The following EGF variants were observed in gnomAD, a reference collection of about 807,000 sequenced individuals.
EGF encodes the protein epidermal growth factor.
In EGF, 95 loss-of-function variants were observed where a neutral mutation model predicts 143.8. That is an observed-to-expected ratio of 0.66 (90% CI 0.56 to 0.78). The LOEUF (loss-of-function observed/expected upper bound fraction) is 0.78, where lower values mean the gene tolerates loss of function less well. Ranked by LOEUF, EGF falls within the 30% of genes least tolerant of loss-of-function variation. The probability of loss-of-function intolerance (pLI) is 0.00; values close to 1 mark genes in which losing one functional copy is unlikely to be tolerated. For missense variants in EGF, 1,320 were observed against 1,470.9 expected (o/e 0.90, Z 1.68); for synonymous variants, 510 against 510.5 (o/e 1.00, Z 0.01).
At chr4:109,985,705 TCA>T (rs1334729869) in intron 16 of EGF, among the ~76,000 whole-genome samples, 1 of 152,218 alleles carries the variant, frequency 6.6e-6, no homozygotes, top group East Asian at 1.9e-4. Context: ...TGCCCCTTGA[TCA>T]CATTCATCAC....
chr4:109,939,791 C>G (rs924392953), intron 1 of EGF, among the ~76,000 whole-genome samples: 3 of 152,174 alleles, frequency 2.0e-5, no homozygotes, highest in Non-Finnish European at 2.9e-5. Context: ...TTGTTCAATG[C>G]TTACAATAAA....
chr4:109,966,103 G>A (rs1746527589), intron 10 of EGF, among the ~76,000 whole-genome samples: 2 of 151,686 alleles, frequency 1.3e-5, no homozygotes, highest in African/African-American at 4.8e-5. Flanking sequence ...TGTCTTACAT[G>A]GATAGATTGT....
At chr4:109,925,027 T>C (rs1738404422) in intron 1 of EGF, among the ~76,000 whole-genome samples, 3 of 152,206 alleles carry the variant, frequency 2.0e-5, no homozygotes, top group Admixed American at 2.0e-4. Context: ...TTATAATTTT[T>C]ACAGTTGTGT....
rs374147711 is a variant in EGF at position 109,944,080 on chromosome 4, C to T, written c.737+11C>T. 2.7e-5 allele frequency: 44 copies of T among 1,611,298 alleles called. No homozygotes were observed. In the African/African-American group the frequency reaches 5.6e-4, roughly 21 times the overall value. On this transcript the variant is annotated intron_variant, in intron 4 of 23. Transcript: ENST00000265171. Reference sequence around the variant, plus strand: ...TAAACATCCAACACAGTAAGTTTTACTCTTGGTATAAAATAAAACAATTGT... The same window carrying T: ...TAAACATCCAACACAGTAAGTTTTATTCTTGGTATAAAATAAAACAATTGT...
chr4:109,934,643 A>G (rs370765926), intron 1 of EGF, among the ~76,000 whole-genome samples: 7 of 152,274 alleles, frequency 4.6e-5, no homozygotes, highest in African/African-American at 1.2e-4. Flanking sequence ...GCCCATGCCT[A>G]TGTCCTGAAT....
intron 11 of EGF, among the ~76,000 whole-genome samples, 183 bp downstream of exon 11, chr4:109,969,302 T>C (rs771816489): frequency 7.9e-5 from 12 of 152,172 alleles, no homozygotes; most frequent in Non-Finnish European, 1.8e-4. Context: ...CAAGATTGCA[T>C]CTGTGTGCGT....
intron 5 of EGF, among the ~76,000 whole-genome samples, chr4:109,949,869 C>G (rs752953577): frequency 2.0e-4 from 31 of 152,186 alleles, no homozygotes; most frequent in Non-Finnish European, 4.0e-4. Flanking sequence ...TGAACAAGTC[C>G]TTGCCTTGTA....
At position 109,913,226 on chromosome 4, in the gene EGF, A is replaced by G; in HGVS notation, c.-110A>G. The G allele has an allele frequency of 7.3e-7, 1 of 1,378,960 alleles. No individual in the cohort carries two copies. Among genetic ancestry groups the G allele is most frequent in the Non-Finnish European group, 1.0e-6 (1 of 976,170 alleles). 85.4% of individuals were successfully genotyped at this position (1,378,960 alleles called of 1,614,324 possible). ...GAGAGTAAAAGATGCCCCAGGGCTG[A>G]GGCCTCCGCTCAGGCAGCCGCATCT... is the stretch of plus-strand genomic sequence containing the variant. On this transcript the variant is annotated 5_prime_UTR_variant, in exon 1 of 24. It removes the in-frame stop codon of an upstream open reading frame in the 5' UTR. Transcript: ENST00000265171.
At chr4:109,986,664 C>G (rs1445385805) in intron 16 of EGF, among the ~76,000 whole-genome samples, 1 of 151,930 alleles carries the variant, frequency 6.6e-6, no homozygotes, top group Admixed American at 6.6e-5. Context: ...AAATTATATC[C>G]TACTGTGGTA....
intron 1 of EGF, chr4:109,940,743 T>A (rs1741785463): frequency 3.5e-6 from 2 of 575,672 alleles, no homozygotes; most frequent in Non-Finnish European, 6.1e-6. Flanking sequence ...TGTCTTATAA[T>A]CAGTTTGTGG....
At chr4:110,006,868 C>A (rs191910685) in intron 22 of EGF, among the ~76,000 whole-genome samples, 1 of 152,316 alleles carries the variant, frequency 6.6e-6, no homozygotes, top group East Asian at 1.9e-4. Context: ...TGGGAGAGAG[C>A]TGAACGCTCA....
chr4:109,920,957 G>A lies in EGF; in HGVS notation c.127+7495G>A, dbSNP rs867305337. On this transcript the variant is annotated intron_variant, in intron 1 of 23. Coordinates refer to ENST00000265171, the MANE Select transcript of EGF (RefSeq NM_001963.6). ...ATCCCAGGCCCTTCCCAGATGTCCTGTTTGCTGGGGCTCATGACAAGATGA... is the reference window on the plus strand; with the variant it reads ...ATCCCAGGCCCTTCCCAGATGTCCTATTTGCTGGGGCTCATGACAAGATGA... 5.7e-4 allele frequency among the ~76,000 whole-genome samples: 86 copies of A among 151,788 alleles called. 3 individuals carry two copies. Among genetic ancestry groups the A allele is most frequent in the African/African-American group, 2.0e-3 (82 of 41,054 alleles).
At chr4:109,985,783 C>T (rs1750035509) in intron 16 of EGF, among the ~76,000 whole-genome samples, 1 of 152,208 alleles carries the variant, frequency 6.6e-6, no homozygotes, top group African/African-American at 2.4e-5. Context: ...CCCTATTCTT[C>T]ACCACTGTAT....
intron 1 of EGF, 129 bp downstream of exon 1, chr4:109,913,591 GT>G: frequency 7.5e-7 from 1 of 1,334,082 alleles, no homozygotes. Flanking sequence ...CTTAATTTTT[GT>G]TTTCTGATGC....
At position 109,999,681 on chromosome 4, in the gene EGF, G is replaced by GTGT. The variant is rs776068892; in HGVS notation, c.3014_3016dup (p.Val1005dup). 6.2e-7 allele frequency: 1 copy of GTGT among 1,614,180 alleles called. No homozygotes were observed. Among genetic ancestry groups the GTGT allele is most frequent in the Non-Finnish European group, 8.5e-7 (1 of 1,180,014 alleles). ...CCTCTGTTTGTGTGTTGTCACAGCT[G>GTGT]TGTTGTTGGCTACATCGGGGAGCGA... On this transcript the variant is annotated inframe_insertion, in exon 21 of 24. Coordinates refer to ENST00000265171, the MANE Select transcript of EGF (RefSeq NM_001963.6).
chr4:109,963,010 T>C (rs1300226507), intron 8 of EGF, among the ~76,000 whole-genome samples, 163 bp from the exon 9 acceptor site: 1 of 148,172 alleles, frequency 6.7e-6, no homozygotes, highest in Non-Finnish European at 1.5e-5. Context: ...GAGGTTGCAA[T>C]GAGCCGAGAG....
chr4:109,963,393 G>A, intron 9 of EGF, 95 bp downstream of exon 9: 6 of 1,549,664 alleles, frequency 3.9e-6, no homozygotes, highest in Non-Finnish European at 5.3e-6. Context: ...TTATGGTTTT[G>A]TATTTTTGAA....
chr4:109,998,793 A>G (rs989371435), intron 20 of EGF, among the ~76,000 whole-genome samples: 4 of 152,204 alleles, frequency 2.6e-5, no homozygotes, highest in African/African-American at 9.7e-5. Flanking sequence ...AAGTGGGGAC[A>G]TGGATGAATA....
chr4:109,959,156 T>A, intron 5 of EGF, 156 bp from the exon 6 acceptor site: 1 of 1,175,870 alleles, frequency 8.5e-7, no homozygotes, highest in Non-Finnish European at 1.2e-6. Context: ...GGCTTCGGGA[T>A]GCTGGGGAAT....
Sources: gnomAD v4.1 joint callset for allele counts (sites outside exome capture counted in the v4.1 genomes callset) on GRCh38, gnomAD v4.1.1 for gene constraint, MANE v1.5 for transcripts, NCBI Gene and HGNC (gene_info 2026-07-23, HGNC 2026-07-21) for gene names.